Variants in DPP8 observed in about 807,000 individuals in gnomAD.
The protein encoded by DPP8 is dipeptidyl peptidase 8, also known as DPP VIII.
In DPP8, 31 loss-of-function variants were observed where a neutral mutation model predicts 107.5. That is an observed-to-expected ratio of 0.29 (90% CI 0.22 to 0.39). The LOEUF is 0.39. DPP8 is among the 10% of genes least tolerant of loss of function. The pLI is 1.00. For synonymous variants in DPP8, 381 were observed against 356.6 expected (o/e 1.07, Z -0.77); for missense variants, 842 against 1,076.1 (o/e 0.78, Z 3.04).
chr15:65,503,921 G>A (rs1263324176), intron 3 of DPP8, among the ~76,000 whole-genome samples: 1 of 152,058 alleles, frequency 6.6e-6, no homozygotes, highest in East Asian at 1.9e-4. Flanking sequence ...GACCGCACCT[G>A]GCCTTTTCTG....
At chr15:65,507,461 T>C in intron 2 of DPP8, 106 bp from the exon 3 acceptor site, 2 of 620,394 alleles carry the variant, frequency 3.2e-6, no homozygotes, top group Non-Finnish European at 5.6e-6. Flanking sequence ...TATTTTGCAC[T>C]CTATGGGATA....
intron 5 of DPP8, among the ~76,000 whole-genome samples, chr15:65,497,391 G>A (rs551862588): frequency 6.6e-6 from 1 of 152,098 alleles, no homozygotes; most frequent in East Asian, 1.9e-4. Flanking sequence ...CAGGTAGTTG[G>A]GACTACACAT....
chr15:65,459,800 TAAAAATTAGCCAGGTATGGTGCTGCG>T (rs904367059), intron 15 of DPP8, among the ~76,000 whole-genome samples: 4 of 151,294 alleles, frequency 2.6e-5, no homozygotes, highest in Non-Finnish European at 2.9e-5. Context: ...ACTAAAAATA[TAAAAATTAGCCAGGTATGGTGCTGCG>T]CACCTGTAGT....
intron 11 of DPP8, 150 bp downstream of exon 11, chr15:65,478,730 C>T: frequency 1.8e-6 from 1 of 561,518 alleles, no homozygotes; most frequent in South Asian, 2.5e-5. Flanking sequence ...TTTACACATA[C>T]ATGTATTTAT....
At chr15:65,466,137 T>A (rs2140486251) in intron 14 of DPP8, among the ~76,000 whole-genome samples, 1 of 152,244 alleles carries the variant, frequency 6.6e-6, no homozygotes, top group Admixed American at 6.5e-5. Flanking sequence ...ACTATTTTAA[T>A]CTTATTTTCT....
chr15:65,475,418 A>C (rs748348521), intron 11 of DPP8: 67 of 1,573,270 alleles, frequency 4.3e-5, no homozygotes, highest in Non-Finnish European at 5.4e-5. Flanking sequence ...TTTGCCACTC[A>C]AATATACCTT....
chr15:65,480,838 T>G (rs1308737607), intron 9 of DPP8, among the ~76,000 whole-genome samples: 2 of 152,162 alleles, frequency 1.3e-5, no homozygotes, highest in Non-Finnish European at 2.9e-5. Context: ...GGTTCACACC[T>G]GTAATCTCAG....
chr15:65,458,330 G>A (rs932919059), intron 15 of DPP8, among the ~76,000 whole-genome samples: 1 of 152,116 alleles, frequency 6.6e-6, no homozygotes, highest in South Asian at 2.1e-4. Flanking sequence ...GCGTGATCTC[G>A]GCCCACTGCA....
In DPP8 at chr15:65,500,706, C is replaced by A; in HGVS notation, c.446G>T (p.Gly149Val). 2 of 1,613,864 alleles carry A rather than the reference C, an allele frequency of 1.2e-6. No homozygotes were observed. The highest frequency in any genetic ancestry group is 2.2e-5 in the East Asian group (1 of 44,870). ...TTGGTGATAATCGTAAGAAGCAATT[C>A]CGACTGTTCCAATGCGTTTTCTTTC... ...LRERKRIGTVGIASYDYHQGS... is the reference protein window; with the variant it reads ...LRERKRIGTVVIASYDYHQGS... The change falls in exon 4 of 20, where the codon GGA becomes GTA. Residue 149 changes from glycine to valine, a missense_variant. Gly to Val is a moderately radical substitution (Grantham distance 109). Coordinates refer to ENST00000300141, the MANE Select transcript of DPP8 (RefSeq NM_130434.5).
intron 5 of DPP8, among the ~76,000 whole-genome samples, chr15:65,494,704 A>G (rs966399123): frequency 6.6e-6 from 1 of 151,294 alleles, no homozygotes; most frequent in Admixed American, 6.6e-5. Context: ...CAGATTTACT[A>G]ACTACCAACC....
chr15:65,515,509 T>C (rs1174247945), intron 1 of DPP8: 5 of 637,282 alleles, frequency 7.8e-6, no homozygotes, highest in South Asian at 2.1e-5. Context: ...TAATTCCTGA[T>C]TATATACAAA....
At chr15:65,489,313 C>A (rs941017501) in intron 6 of DPP8, among the ~76,000 whole-genome samples, 1 of 151,920 alleles carries the variant, frequency 6.6e-6, no homozygotes, top group African/African-American at 2.4e-5. Flanking sequence ...CCAAGACCAG[C>A]CTCTAGGAGA....
rs1463216438 is a variant in DPP8 at position 65,452,123 on chromosome 15, A to G, written c.2272-21T>C. 5.6e-6 allele frequency: 9 copies of G among 1,593,080 alleles called. 1 individual carries two copies. The South Asian group carries it at 1.0e-4, about 18-fold the overall frequency. ...GCAACCTGCATAAGATGACATTGAC[A>G]GTCAAGTGTGGTCTGGAAAAAGAGA... On this transcript the variant is annotated intron_variant, in intron 17 of 19. Transcript: ENST00000300141.
At chr15:65,471,660 A>G (rs956412687) in intron 12 of DPP8, among the ~76,000 whole-genome samples, 5 of 151,484 alleles carry the variant, frequency 3.3e-5, no homozygotes, top group Middle Eastern at 3.2e-3. Context: ...CTAATTTAAA[A>G]TTTTTTTTGC....
rs569364372 is a variant in DPP8, at chr15:65,446,778, T to A, written c.*106A>T. The stretch of plus-strand genomic sequence containing the variant: ...TTTATTTTCAGGAGTAGATGTTACA[T>A]GGCAGGTATCAAAATGTGATGATCA... On this transcript the variant is annotated 3_prime_UTR_variant, in exon 20 of 20. Coordinates refer to ENST00000300141, the MANE Select transcript of DPP8 (RefSeq NM_130434.5). The A allele has an allele frequency of 9.4e-6, 11 of 1,174,638 alleles. No homozygotes were observed. The highest frequency in any genetic ancestry group is 6.6e-5 in the South Asian group (4 of 60,326). The allele number at this position is 1,174,638 out of a possible 1,614,324, so 72.8% of individuals were successfully genotyped here.
chr15:65,452,523 G>C (rs8023716), intron 17 of DPP8, among the ~76,000 whole-genome samples: 84,852 of 151,764 alleles, frequency 0.56, 26,283 homozygotes, highest in African/African-American at 0.83. Flanking sequence ...AAATTTGCCT[G>C]TCCTATACGT....
At chr15:65,498,267 C>T (rs149427571) in intron 4 of DPP8, among the ~76,000 whole-genome samples, 2,644 of 152,120 alleles carry the variant, frequency 0.017, 40 homozygotes, top group Non-Finnish European at 0.025. Context: ...ACCAAAAATA[C>T]AAAAATTAGC....
intron 2 of DPP8, among the ~76,000 whole-genome samples, chr15:65,511,557 T>A (rs186228621): frequency 6.0e-5 from 9 of 151,178 alleles, no homozygotes; most frequent in African/African-American, 2.2e-4. Flanking sequence ...GGAGGACTGT[T>A]TGAGCCTGGG....
intron 7 of DPP8, 46 bp from the exon 8 acceptor site, chr15:65,485,206 T>C: frequency 6.9e-7 from 1 of 1,439,074 alleles, no homozygotes. Context: ...CCAAAATTAC[T>C]CAAATTAATT....
Sources: gnomAD v4.1 joint callset for allele counts (sites outside exome capture counted in the v4.1 genomes callset) on GRCh38, gnomAD v4.1.1 for gene constraint, MANE v1.5 for transcripts, NCBI Gene and HGNC (gene_info 2026-07-23, HGNC 2026-07-21) for gene names.